The following SMIM12 variants were observed in gnomAD, a reference collection of about 807,000 sequenced individuals.
The protein encoded by SMIM12 is small integral membrane protein 12.
In SMIM12, 5 loss-of-function variants were observed where a neutral mutation model predicts 6.3. The observed-to-expected ratio is 0.80, with a 90% CI of 0.42 to 1.68. The LOEUF (loss-of-function observed/expected upper bound fraction) is 1.68, where lower values mean the gene tolerates loss of function less well. Among genes scored for constraint, SMIM12 ranks in the 40% most tolerant of loss-of-function variants. The pLI is 0.02. For synonymous variants in SMIM12, 51 were observed against 48.0 expected (o/e 1.06, Z -0.26); for missense variants, 103 against 121.4 (o/e 0.85, Z 0.71).
At chr1:34,859,404 G>T (rs887445191) in intron 1 of SMIM12, 1 of 152,338 alleles carries the variant, frequency 6.6e-6, no homozygotes, top group Admixed American at 6.5e-5. Context: ...CCATCCAAAT[G>T]GCTACCCTTC....
rs1011157799 is a variant in SMIM12 at position 34,854,857 on chromosome 1, T to C, written c.*842A>G. 2 of 223,344 alleles carry C rather than the reference T, an allele frequency of 9.0e-6. No homozygotes were observed. Among genetic ancestry groups the C allele is most frequent in the Non-Finnish European group, 1.8e-5 (2 of 112,316 alleles). The allele number at this position is 223,344 out of a possible 1,614,324, so 13.8% of individuals were successfully genotyped here. A position where few individuals can be genotyped will look rare whatever the true frequency, so the allele number is the denominator to read the frequency against. On this transcript the variant is annotated 3_prime_UTR_variant, in exon 2 of 2. Coordinates refer to ENST00000521580, the MANE Select transcript of SMIM12 (RefSeq NM_138428.6). ...TTAGACTTGAAGGTGCTGCAGCCAATTGTAATAATGGTAAAAAGGTTCCTG... is the reference window on the plus strand; with the variant it reads ...TTAGACTTGAAGGTGCTGCAGCCAACTGTAATAATGGTAAAAAGGTTCCTG...
Position 34,855,779 on chromosome 1 carries a change from T to C in SMIM12, c.199A>G (p.Thr67Ala). 1.9e-6 allele frequency: 3 copies of C among 1,564,062 alleles called. No homozygotes were observed. The South Asian group carries it at 3.5e-5, about 18-fold the overall frequency. ...KLDELLGKDHTQVVSLKDKLE... is the reference protein window; with the variant it reads ...KLDELLGKDHAQVVSLKDKLE... ...TTGTCCTTAAGGCTCACCACCTGCG[T>C]GTGGTCCTTGCCTAGAAGCTCATCC... The change falls in exon 2 of 2, where the codon ACG becomes GCG. Residue 67 changes from threonine (T) to alanine (A), a missense_variant. By Grantham distance (58) the Thr-to-Ala change is moderately conservative. Coordinates refer to ENST00000521580, the MANE Select transcript of SMIM12 (RefSeq NM_138428.6).
chr1:34,858,876 A>G (rs1638733154), intron 1 of SMIM12: 1 of 152,194 alleles, frequency 6.6e-6, no homozygotes, highest in Non-Finnish European at 1.5e-5. Context: ...AAGCTCCAAA[A>G]GGCTAAGAAC....
At chr1:34,856,066 C>T in intron 1 of SMIM12, 84 bp from the exon 2 acceptor site, 2 of 1,415,364 alleles carry the variant, frequency 1.4e-6, no homozygotes, top group Admixed American at 2.9e-5. Flanking sequence ...TCTCCACTTA[C>T]CAGGCAGCCT....
Position 34,855,046 on chromosome 1 carries a change from ATGGT to A in SMIM12, c.*649_*652del. 1 of 1,271,618 alleles carries A rather than the reference ATGGT, an allele frequency of 7.9e-7. No homozygotes were observed. Among genetic ancestry groups the A allele is most frequent in the Non-Finnish European group, 1.0e-6 (1 of 976,154 alleles). The allele number at this position is 1,271,618 out of a possible 1,614,324, so 78.8% of individuals were successfully genotyped here. On this transcript the variant is annotated 3_prime_UTR_variant, in exon 2 of 2. Coordinates refer to ENST00000521580, the MANE Select transcript of SMIM12 (RefSeq NM_138428.6). The stretch of plus-strand genomic sequence containing the variant: ...ACCTGGATGATAAGATTCGATCATT[ATGGT>A]TCTCAGATACCACTTTAATCAGGTT...
chr1:34,859,022 A>T (rs1638738104), intron 1 of SMIM12: 1 of 152,004 alleles, frequency 6.6e-6, no homozygotes, highest in Non-Finnish European at 1.5e-5. Flanking sequence ...AACATCCTCC[A>T]CCCACTCTCC....
Position 34,852,068 on chromosome 1 carries a change from T to A in SMIM12, c.*3631A>T, listed in dbSNP as rs961713119. Among the ~76,000 whole-genome samples the A allele has an allele frequency of 1.4e-4, 22 of 152,222 alleles. No homozygotes were observed. The highest frequency in any genetic ancestry group is 4.1e-4 in the African/African-American group (17 of 41,456). ...CTTACAGCCACCGCAACGGCTGATT[T>A]CAGCCAGCCTGTGGGAAAGAAAGAT... On this transcript the variant is annotated 3_prime_UTR_variant, in exon 2 of 2. Transcript: ENST00000521580.
At chr1:34,856,289 T>G (rs1461559191) in intron 1 of SMIM12, among the ~76,000 whole-genome samples, 1 of 151,830 alleles carries the variant, frequency 6.6e-6, no homozygotes, top group East Asian at 1.9e-4. Context: ...CTTGAACTCC[T>G]GACCTCGTGA....
rs910875527 is a variant in SMIM12, at chr1:34,854,426, G to A, written c.*1273C>T. The stretch of plus-strand genomic sequence containing the variant: ...GTTCTACAAAAAAATAAAAAAATTA[G>A]CTGGGCATGGTGGCATACTCCTGTA... On this transcript the variant is annotated 3_prime_UTR_variant, in exon 2 of 2. Transcript: ENST00000521580. 2.6e-5 allele frequency: 4 copies of A among 152,272 alleles called. No homozygotes were observed. The highest frequency in any genetic ancestry group is 1.9e-4 in the East Asian group (1 of 5,176). 9.4% of individuals were successfully genotyped at this position (152,272 alleles called of 1,614,324 possible).
rs181937262 is a variant in SMIM12 at position 34,854,402 on chromosome 1, T to C, written c.*1297A>G. On this transcript the variant is annotated 3_prime_UTR_variant, in exon 2 of 2. Coordinates refer to ENST00000521580, the MANE Select transcript of SMIM12 (RefSeq NM_138428.6). The stretch of plus-strand genomic sequence containing the variant: ...GCCTGGGCAACATAGTGAGACCTGG[T>C]TCTACAAAAAAATAAAAAAATTAGC... 6.6e-6 allele frequency: 1 copy of C among 151,746 alleles called. No individual in the cohort carries two copies. The highest frequency in any genetic ancestry group is 2.4e-5 in the African/African-American group (1 of 41,246). The allele number at this position is 151,746 out of a possible 1,614,324, so 9.4% of individuals were successfully genotyped here.
At position 34,854,332 on chromosome 1, in the gene SMIM12, C is replaced by T. The variant is rs1348693659; in HGVS notation, c.*1367G>A. On this transcript the variant is annotated 3_prime_UTR_variant, in exon 2 of 2. Transcript: ENST00000521580. ...CCAAAAAAAAAGAAAAAAGAAACTA[C>T]AGGCCAAGGCCGGAGGATCACTTGA... The T allele has an allele frequency of 1.3e-5, 2 of 152,098 alleles. No homozygotes were observed. The highest frequency in any genetic ancestry group is 2.9e-5 in the Non-Finnish European group (2 of 68,044). 9.4% of individuals were successfully genotyped at this position (152,098 alleles called of 1,614,324 possible). A position where few individuals can be genotyped will look rare whatever the true frequency, so the allele number is the denominator to read the frequency against.
Position 34,858,112 on chromosome 1 carries a change from T to TA in SMIM12, c.-6+1564dup, listed in dbSNP as rs759216631. 1,159 of 141,744 alleles carry TA rather than the reference T, an allele frequency of 8.2e-3. 7 individuals are homozygous for TA. Among genetic ancestry groups the TA allele is most frequent in the African/African-American group, 9.3e-3 (362 of 38,976 alleles). The allele number at this position is 141,744 out of a possible 1,614,324, so 8.8% of individuals were successfully genotyped here. Reference sequence around the variant, plus strand: ...TGCAATAAGGCAGCATCATGAAATTTAAAAAAAAAAAAAAAATTGCAGCAT... The same window carrying TA: ...TGCAATAAGGCAGCATCATGAAATTTAAAAAAAAAAAAAAAAATTGCAGCAT... On this transcript the variant is annotated intron_variant, in intron 1 of 1. Transcript: ENST00000521580.
chr1:34,855,661 A>G lies in SMIM12; in HGVS notation c.*38T>C. The stretch of plus-strand genomic sequence containing the variant: ...TGTCAACATGGTAGCAGGACAAGTC[A>G]CCACCCACAGTAGGACCATAGGGCC... On this transcript the variant is annotated 3_prime_UTR_variant, in exon 2 of 2. Coordinates refer to ENST00000521580, the MANE Select transcript of SMIM12 (RefSeq NM_138428.6). The G allele has an allele frequency of 6.2e-7, 1 of 1,613,720 alleles. No homozygotes were observed.
rs370159806 is a variant in SMIM12, at chr1:34,855,302, C to T, written c.*397G>A. On this transcript the variant is annotated 3_prime_UTR_variant, in exon 2 of 2. Transcript: ENST00000521580. ...AGGGAGCCAGGTGCATATTTGAATT[C>T]TTTCCAGTGCAGACTGGAACTAGAC... is the stretch of plus-strand genomic sequence containing the variant. 1 of 1,384,502 alleles carries T rather than the reference C, an allele frequency of 7.2e-7. No individual in the cohort carries two copies. Among genetic ancestry groups the T allele is most frequent in the African/African-American group, 1.5e-5 (1 of 68,520 alleles). The allele number at this position is 1,384,502 out of a possible 1,614,324, so 85.8% of individuals were successfully genotyped here.
intron 1 of SMIM12, chr1:34,859,464 G>T (rs148451333): frequency 6.6e-6 from 1 of 152,412 alleles, no homozygotes; most frequent in East Asian, 1.9e-4. Flanking sequence ...CCTCATTCAT[G>T]GCCTCATCAA....
Position 34,852,263 on chromosome 1 carries a change from C to T in SMIM12, c.*3436G>A, listed in dbSNP as rs1044831426. ...TCTCGACCAGACACCAAGTGGAGGC[C>T]AACGGGTGGTGACAGGGATATTTTA... On this transcript the variant is annotated 3_prime_UTR_variant, in exon 2 of 2. Transcript: ENST00000521580. Among the ~76,000 whole-genome samples the T allele has an allele frequency of 7.2e-5, 11 of 152,200 alleles. No individual in the cohort carries two copies. Among genetic ancestry groups the T allele is most frequent in the African/African-American group, 2.6e-4 (11 of 41,538 alleles).
Position 34,850,797 on chromosome 1 carries a change from C to G in SMIM12, c.*4902G>C, listed in dbSNP as rs1343030388. 1 of 152,234 alleles carries G rather than the reference C, an allele frequency of 6.6e-6. No individual in the cohort carries two copies. Among genetic ancestry groups the G allele is most frequent in the African/African-American group, 2.4e-5 (1 of 41,426 alleles). 9.4% of individuals were successfully genotyped at this position (152,234 alleles called of 1,614,324 possible). On this transcript the variant is annotated 3_prime_UTR_variant, in exon 2 of 2. Coordinates refer to ENST00000521580, the MANE Select transcript of SMIM12 (RefSeq NM_138428.6). The stretch of plus-strand genomic sequence containing the variant: ...TCCAAGTCCAAGGCTCTTTCCCCTC[C>G]CAATTCTCCTGATCTGTGACCTCCT...
intron 1 of SMIM12, chr1:34,859,178 T>G (rs1282643759): frequency 6.6e-6 from 1 of 152,208 alleles, no homozygotes; most frequent in Non-Finnish European, 1.5e-5. Context: ...CAGCCCGGCA[T>G]GGAGGACGTC....
rs67992895 is a variant in SMIM12 at position 34,854,009 on chromosome 1, A to AACAACAACAACAACAAC, written c.*1689_*1690insGTTGTTGTTGTTGTTGT. ...AAAACAACAACAACAACAACAACAA[A>AACAACAACAACAACAAC]AAAAAACTACAGACTGCCAGGCACG... is the stretch of plus-strand genomic sequence containing the variant. On this transcript the variant is annotated 3_prime_UTR_variant, in exon 2 of 2. Coordinates refer to ENST00000521580, the MANE Select transcript of SMIM12 (RefSeq NM_138428.6). The AACAACAACAACAACAAC allele has an allele frequency of 8.0e-6, 1 of 125,714 alleles. No individual in the cohort carries two copies. Among genetic ancestry groups the AACAACAACAACAACAAC allele is most frequent in the Non-Finnish European group, 1.6e-5 (1 of 62,196 alleles). The allele number at this position is 125,714 out of a possible 1,614,324, so 7.8% of individuals were successfully genotyped here.
Sources: gnomAD v4.1 joint callset for allele counts (sites outside exome capture counted in the v4.1 genomes callset) on GRCh38, gnomAD v4.1.1 for gene constraint, MANE v1.5 for transcripts, NCBI Gene and HGNC (gene_info 2026-07-23, HGNC 2026-07-21) for gene names.